Variants in ADGRL3 observed in about 807,000 individuals in gnomAD.
The protein encoded by ADGRL3 is adhesion G protein-coupled receptor L3, also known as calcium-independent alpha-latrotoxin receptor 3.
In ADGRL3, 62 loss-of-function variants were observed where a neutral mutation model predicts 153.5. That is an observed-to-expected ratio of 0.40 (90% confidence interval 0.33 to 0.50). The LOEUF is 0.50. Among genes scored for constraint, ADGRL3 ranks in the 20% least tolerant of loss-of-function variants. The pLI is 0.47. For missense variants in ADGRL3, 1,641 were observed against 1,859.4 expected, an observed-to-expected ratio of 0.88 and a Z score of 2.16; for synonymous variants, 710 against 672.5, an observed-to-expected ratio of 1.06 and a Z score of -0.86.
chr4:61,432,568 CTCTTCCTT>C (rs1157293669), intron 2 of ADGRL3, among the ~76,000 whole-genome samples: 423 of 38,378 alleles, frequency 0.011, 80 homozygotes, highest in East Asian at 0.034. Flanking sequence ...TCTTTTCTTT[CTCTTCCTT>C]TCTTTCTTTC....
chr4:61,938,480 T>G (rs2098848899), intron 15 of ADGRL3, among the ~76,000 whole-genome samples: 1 of 152,148 alleles, frequency 6.6e-6, no homozygotes, highest in South Asian at 2.1e-4. Context: ...TGATAATGGA[T>G]ATCTCATAGA....
chr4:62,051,058 C>T (rs1203914754), intron 25 of ADGRL3, among the ~76,000 whole-genome samples: 3 of 149,810 alleles, frequency 2.0e-5, no homozygotes, highest in South Asian at 4.2e-4. Context: ...AATGAGGCAA[C>T]AGCGTTCTGT....
chr4:62,013,163 C>A (rs2099194441), intron 21 of ADGRL3, among the ~76,000 whole-genome samples: 1 of 152,028 alleles, frequency 6.6e-6, no homozygotes, highest in African/African-American at 2.4e-5. Flanking sequence ...TGAAATATTC[C>A]TGATGGGGAA....
chr4:61,429,493 G>A (rs1445699386), intron 2 of ADGRL3, among the ~76,000 whole-genome samples: 1 of 152,092 alleles, frequency 6.6e-6, no homozygotes, highest in Non-Finnish European at 1.5e-5. Flanking sequence ...GAACTACAAT[G>A]ATAATTGTAC....
In ADGRL3 at chr4:61,393,268, G is replaced by C. The variant is rs1013820713; in HGVS notation, c.-174+10079G>C. On this transcript the variant is annotated intron_variant, in intron 2 of 26. Coordinates refer to ENST00000683033, the MANE Select transcript of ADGRL3 (RefSeq NM_001387552.1). ...CCTCTGTGTTTAGTATACTCTGTCA[G>C]AAGTCAATGATATGCACATTTTTAA... 2.6e-5 allele frequency among the ~76,000 whole-genome samples: 4 copies of C among 152,206 alleles called. No individual in the cohort carries two copies. The South Asian group carries it at 6.2e-4, about 24-fold the overall frequency.
Position 61,222,206 on chromosome 4 carries a change from A to G in ADGRL3, c.-240+20441A>G, listed in dbSNP as rs971060799. Among the ~76,000 whole-genome samples, 4 of 152,254 alleles carry G rather than the reference A, an allele frequency of 2.6e-5. No homozygotes were observed. In the South Asian group the frequency reaches 6.2e-4, roughly 24 times the overall value. On this transcript the variant is annotated intron_variant, in intron 1 of 26. Transcript: ENST00000683033. Reference sequence around the variant, plus strand: ...CAAATAGAACACTGTGGTCTGGTCAAGATTTTTTTGGGTCCCAAACATAAA... The same window carrying G: ...CAAATAGAACACTGTGGTCTGGTCAGGATTTTTTTGGGTCCCAAACATAAA...
At chr4:61,561,414 A>G (rs1302898793) in intron 4 of ADGRL3, among the ~76,000 whole-genome samples, 1 of 152,198 alleles carries the variant, frequency 6.6e-6, no homozygotes, top group African/African-American at 2.4e-5. Context: ...CAGGTACACT[A>G]GAATCTTTAT....
intron 1 of ADGRL3, among the ~76,000 whole-genome samples, chr4:61,328,902 T>TC (rs2095517091): frequency 6.6e-6 from 1 of 152,152 alleles, no homozygotes; most frequent in African/African-American, 2.4e-5. Flanking sequence ...TAGTGTGCAG[T>TC]GATTCGTCCT....
At chr4:61,441,310 C>T (rs767256725) in intron 2 of ADGRL3, among the ~76,000 whole-genome samples, 4 of 152,118 alleles carry the variant, frequency 2.6e-5, no homozygotes, top group Non-Finnish European at 5.9e-5. Flanking sequence ...CTCTTTGTCA[C>T]CACCACCTCC....
intron 21 of ADGRL3, among the ~76,000 whole-genome samples, chr4:62,012,639 T>TA (rs2099191884): frequency 6.6e-6 from 1 of 152,168 alleles, no homozygotes; most frequent in Non-Finnish European, 1.5e-5. Context: ...TTTTAAGAGA[T>TA]TGCCATTTCA....
intron 6 of ADGRL3, among the ~76,000 whole-genome samples, chr4:61,713,090 TTTAA>T (rs1028547420): frequency 4.6e-5 from 7 of 152,318 alleles, no homozygotes; most frequent in African/African-American, 1.7e-4. Flanking sequence ...TTTATAATTA[TTTAA>T]TTATGTAAAT....
intron 21 of ADGRL3, among the ~76,000 whole-genome samples, chr4:62,024,743 A>G (rs1482869084): frequency 5.3e-5 from 8 of 152,008 alleles, no homozygotes; most frequent in African/African-American, 1.9e-4. Context: ...AGTCTGTCCA[A>G]CATAGTGAAA....
intron 9 of ADGRL3, among the ~76,000 whole-genome samples, chr4:61,881,410 G>T (rs2098507543): frequency 6.6e-6 from 1 of 152,058 alleles, no homozygotes; most frequent in South Asian, 2.1e-4. Context: ...ACGGAGTCTG[G>T]CTCTGTCGCC....
intron 18 of ADGRL3, among the ~76,000 whole-genome samples, chr4:61,980,476 G>T (rs1463888999): frequency 6.6e-6 from 1 of 151,258 alleles, no homozygotes; most frequent in African/African-American, 2.4e-5. Flanking sequence ...GTCTCACTCT[G>T]TCATTCACGC....
chr4:61,725,608 C>A (rs202098968), intron 6 of ADGRL3, among the ~76,000 whole-genome samples: 43 of 141,646 alleles, frequency 3.0e-4, no homozygotes, highest in Middle Eastern at 7.5e-3. Flanking sequence ...AAAAAAAAAC[C>A]AAAAAAAAAC....
chr4:61,279,968 C>T (rs1157815609), intron 1 of ADGRL3, among the ~76,000 whole-genome samples: 2 of 152,002 alleles, frequency 1.3e-5, no homozygotes, highest in East Asian at 3.9e-4. Flanking sequence ...ATCAAATGTA[C>T]AAATACATAG....
intron 5 of ADGRL3, among the ~76,000 whole-genome samples, chr4:61,600,263 A>C (rs1262870719): frequency 8.1e-6 from 1 of 123,848 alleles, no homozygotes; most frequent in Non-Finnish European, 1.6e-5. Flanking sequence ...AGCCGAGATC[A>C]CTCCACTGCA....
chr4:61,777,508 A>G (rs2097167101), intron 8 of ADGRL3, among the ~76,000 whole-genome samples: 4 of 152,330 alleles, frequency 2.6e-5, no homozygotes, highest in Admixed American at 2.6e-4. Context: ...TTTAGTGAAT[A>G]TATTCAGTCT....
chr4:61,827,156 G>A (rs2097815442), intron 9 of ADGRL3, among the ~76,000 whole-genome samples: 1 of 152,136 alleles, frequency 6.6e-6, no homozygotes, highest in Admixed American at 6.6e-5. Flanking sequence ...TAAATACCCT[G>A]GGGTTAAAGC....
Sources: gnomAD v4.1 joint callset for allele counts (sites outside exome capture counted in the v4.1 genomes callset) on GRCh38, gnomAD v4.1.1 for gene constraint, MANE v1.5 for transcripts, NCBI Gene and HGNC (gene_info 2026-07-23, HGNC 2026-07-21) for gene names.